Variants in ZNF730 observed in about 807,000 individuals in gnomAD.
ZNF730 encodes putative zinc finger protein 730.
In ZNF730, 12 loss-of-function variants were observed where a neutral mutation model predicts 12.6. The observed-to-expected ratio is 0.95, with a 90% CI of 0.61 to 1.54. The LOEUF (loss-of-function observed/expected upper bound fraction) is 1.54, where lower values mean the gene tolerates loss of function less well. ZNF730 is among the 40% of genes most tolerant of loss of function. The pLI, the probability that ZNF730 is intolerant of heterozygous loss-of-function variation, is 0.00. For missense variants in ZNF730, 643 were observed against 583.5 expected (o/e 1.10, Z -1.05); for synonymous variants, 194 against 195.8 (o/e 0.99, Z 0.08).
rs144333837 is a variant in ZNF730, at chr19:23,091,042, G to A, written c.-94+15655G>A. Among the ~76,000 whole-genome samples the A allele has an allele frequency of 4.5e-4, 68 of 151,672 alleles. 1 individual carries two copies. In the East Asian group the frequency reaches 0.012, roughly 26 times the overall value. On this transcript the variant is annotated intron_variant, in intron 1 of 2. Transcript: ENST00000593635. The stretch of plus-strand genomic sequence containing the variant: ...AAAAGAAAAAGTGGTTTTGTGGCCC[G>A]GGGCCCAGGGTCCCCATGCTGTGTG...
intron 1 of ZNF730, among the ~76,000 whole-genome samples, chr19:23,082,734 T>G (rs1969985173): frequency 6.6e-6 from 1 of 150,984 alleles, no homozygotes; most frequent in Non-Finnish European, 1.5e-5. Flanking sequence ...AAAATCTCGC[T>G]CTTGTTACCC....
At chr19:23,138,601 C>G (rs1402015490) in intron 3 of ZNF730, among the ~76,000 whole-genome samples, 1 of 152,196 alleles carries the variant, frequency 6.6e-6, no homozygotes, top group Non-Finnish European at 1.5e-5. Flanking sequence ...GGATAATTTT[C>G]TGGTCTGTAG....
At chr19:23,077,063 T>A (rs1032013795) in intron 1 of ZNF730, among the ~76,000 whole-genome samples, 1 of 152,156 alleles carries the variant, frequency 6.6e-6, no homozygotes, top group Non-Finnish European at 1.5e-5. Flanking sequence ...TAGGCTGTTA[T>A]CCTTAGCAAA....
At chr19:23,112,396 C>T (rs1026399950), upstream of ZNF730, among the ~76,000 whole-genome samples, 6 of 152,042 alleles carry the variant, frequency 3.9e-5, no homozygotes, top group East Asian at 3.9e-4. Flanking sequence ...TTGCAGCCAA[C>T]GTGTGAAAAA....
In ZNF730 at chr19:23,138,282, CAA is replaced by C. The variant is rs1315758966; in HGVS notation, c.226+2259_226+2260del. 1.3e-3 allele frequency among the ~76,000 whole-genome samples: 12 copies of C among 9,454 alleles called. 1 individual carries two copies. Among genetic ancestry groups the C allele is most frequent in the African/African-American group, 2.3e-3 (9 of 3,846 alleles). The allele number at this position is 9,454 out of a possible 152,430, so 6.2% of individuals were successfully genotyped here. ...TGGGCGACAGAGCGAGACTCCGTCT[CAA>C]AAAAAAAAAAAAAAAAAAAGAAAAT... On this transcript the variant is annotated intron_variant, in intron 3 of 3. Coordinates refer to ENST00000597761, the MANE Select transcript of ZNF730 (RefSeq NM_001277403.2).
intron 3 of ZNF730, among the ~76,000 whole-genome samples, chr19:23,140,453 C>T (rs1426009569): frequency 2.0e-5 from 3 of 150,518 alleles, no homozygotes; most frequent in African/African-American, 7.3e-5. Context: ...CTACTGAAAA[C>T]ACAAAAAATT....
chr19:23,130,173 A>G (rs754546737), intron 1 of ZNF730, among the ~76,000 whole-genome samples: 4 of 152,026 alleles, frequency 2.6e-5, no homozygotes, highest in Non-Finnish European at 4.4e-5. Context: ...GTGGGAGATG[A>G]TTCAGTTATG....
chr19:23,103,587 C>G (rs1272385297), intron 1 of ZNF730, among the ~76,000 whole-genome samples: 5 of 152,094 alleles, frequency 3.3e-5, no homozygotes, highest in Admixed American at 2.0e-4. Flanking sequence ...TTTCCTGATT[C>G]CTGGCTTTTG....
Position 23,146,589 on chromosome 19 carries a change from A to G in ZNF730, c.*33A>G. ...AAGACTGTGGCAAAGCTTTTAAACA[A>G]TCTTTATACCTTACTACACATAAGA... On this transcript the variant is annotated 3_prime_UTR_variant, in exon 4 of 4. Transcript: ENST00000597761. The G allele has an allele frequency of 6.3e-7, 1 of 1,583,124 alleles. No individual in the cohort carries two copies. The highest frequency in any genetic ancestry group is 8.6e-7 in the Non-Finnish European group (1 of 1,160,382).
At chr19:23,081,722 T>A (rs1969969469) in intron 1 of ZNF730, among the ~76,000 whole-genome samples, 1 of 152,190 alleles carries the variant, frequency 6.6e-6, no homozygotes, top group Non-Finnish European at 1.5e-5. Context: ...CCCAAAGTGC[T>A]GGGATTTCAG....
intron 1 of ZNF730, among the ~76,000 whole-genome samples, chr19:23,088,572 T>C (rs1970104986): frequency 6.6e-6 from 1 of 151,346 alleles, no homozygotes; most frequent in African/African-American, 2.4e-5. Context: ...CAAGAGATTC[T>C]CCCACCTCAG....
At chr19:23,094,601 G>A (rs1220457777) in intron 1 of ZNF730, among the ~76,000 whole-genome samples, 1 of 152,084 alleles carries the variant, frequency 6.6e-6, no homozygotes, top group African/African-American at 2.4e-5. Flanking sequence ...AGCCTCCCAA[G>A]TATCTGGGAT....
chr19:23,104,341 G>C (rs953372710), intron 1 of ZNF730, among the ~76,000 whole-genome samples: 3 of 149,818 alleles, frequency 2.0e-5, no homozygotes, highest in African/African-American at 7.3e-5. Flanking sequence ...CTCATGAGGA[G>C]CTAAAATGTT....
intron 1 of ZNF730, among the ~76,000 whole-genome samples, chr19:23,080,135 A>G (rs1969938659): frequency 6.6e-6 from 1 of 151,932 alleles, no homozygotes; most frequent in Non-Finnish European, 1.5e-5. Flanking sequence ...TAGTAGAGAC[A>G]GAGTTTCACC....
chr19:23,089,327 C>A (rs62122964), intron 1 of ZNF730, among the ~76,000 whole-genome samples: 1 of 152,088 alleles, frequency 6.6e-6, no homozygotes, highest in Non-Finnish European at 1.5e-5. Flanking sequence ...CTGCCTCAGT[C>A]CCAAGTAGCT....
At chr19:23,083,221 C>T (rs971893810) in intron 1 of ZNF730, among the ~76,000 whole-genome samples, 5 of 151,826 alleles carry the variant, frequency 3.3e-5, no homozygotes, top group Admixed American at 1.3e-4. Flanking sequence ...GTCAGGAGTT[C>T]GAGACCAGCC....
chr19:23,146,056 A>G lies in ZNF730; in HGVS notation c.1012A>G (p.Lys338Glu), dbSNP rs760411615. The change falls in exon 4 of 4, where the codon AAA becomes GAA. Residue 338 changes from lysine (K) to glutamate (E), a missense_variant. Physicochemically the swap from Lys to Glu is moderately conservative, Grantham distance 56 (BLOSUM62 1). Coordinates refer to ENST00000597761, the MANE Select transcript of ZNF730 (RefSeq NM_001277403.2). ...TKHKRIHNGE[K>E]PYKCEECGKA... ...ACATAAAAGAATTCATAATGGAGAAAAACCCTACAAATGTGAAGAATGTGG... is the reference window on the plus strand; with the variant it reads ...ACATAAAAGAATTCATAATGGAGAAGAACCCTACAAATGTGAAGAATGTGG... The G allele has an allele frequency of 3.7e-6, 6 of 1,612,098 alleles. No individual in the cohort carries two copies. In the Admixed American group the frequency reaches 8.4e-5, roughly 22 times the overall value.
At position 23,137,153 on chromosome 19, in the gene ZNF730, G is replaced by A. The variant is rs553113408; in HGVS notation, c.226+1110G>A. On this transcript the variant is annotated intron_variant, in intron 3 of 3. Coordinates refer to ENST00000597761, the MANE Select transcript of ZNF730 (RefSeq NM_001277403.2). ...CCACTGCACTCCATCCAGGGCAAGA[G>A]AGTGAGACTCTGTCAAAAAAATAAA... Among the ~76,000 whole-genome samples the A allele has an allele frequency of 3.3e-4, 51 of 152,304 alleles. 1 individual carries two copies. The highest frequency in any genetic ancestry group is 1.1e-3 in the African/African-American group (46 of 41,562).
intron 1 of ZNF730, among the ~76,000 whole-genome samples, chr19:23,108,679 T>A (rs1473484860): frequency 1.3e-5 from 2 of 152,252 alleles, no homozygotes; most frequent in African/African-American, 4.8e-5. Context: ...AGAAACTATT[T>A]TAATCCTTTG....
Sources: allele counts gnomAD v4.1 joint callset (sites outside exome capture counted in the v4.1 genomes callset), GRCh38; gene constraint gnomAD v4.1.1; transcripts MANE v1.5; gene names NCBI Gene and HGNC (gene_info 2026-07-23, HGNC 2026-07-21).